TSPAN18: variants seen among roughly 807,000 people sequenced by gnomAD.
TSPAN18 encodes tetraspanin 18, also known as tetraspanin-18.
A neutral mutation model predicts 27.3 loss-of-function variants in TSPAN18; 14 were observed. That is an observed-to-expected ratio of 0.51 (90% confidence interval 0.34 to 0.80). The LOEUF (loss-of-function observed/expected upper bound fraction) is 0.80, where lower values mean the gene tolerates loss of function less well. TSPAN18 is among the 30% of genes least tolerant of loss of function. The pLI is 0.01. For synonymous variants in TSPAN18, 143 were observed against 136.5 expected (o/e 1.05, Z -0.33); for missense variants, 268 against 323.9 (o/e 0.83, Z 1.32).
chr11:44,795,664 GCTTCTGGGGCCCAGACCCC>G (rs1856333213), intron 2 of TSPAN18, among the ~76,000 whole-genome samples: 1 of 27,372 alleles, frequency 3.7e-5, no homozygotes, highest in Non-Finnish European at 2.1e-4. Flanking sequence ...GATTGTCTAA[GCTTCTGGGGCCCAGACCCC>G]ATTTTCTGCC....
At chr11:44,832,478 C>G (rs530972181) in intron 2 of TSPAN18, among the ~76,000 whole-genome samples, 1 of 152,262 alleles carries the variant, frequency 6.6e-6, no homozygotes, top group Admixed American at 6.5e-5. Context: ...AATTCTCTAC[C>G]CTAGACCCCC....
chr11:44,836,978 G>A (rs1857276749), intron 2 of TSPAN18, among the ~76,000 whole-genome samples: 1 of 152,230 alleles, frequency 6.6e-6, no homozygotes, highest in Admixed American at 6.5e-5. Flanking sequence ...TGATGGAGAT[G>A]TACAGGGAGA....
intron 3 of TSPAN18, among the ~76,000 whole-genome samples, chr11:44,895,681 GAGGC>G (rs1246306404): frequency 6.8e-6 from 1 of 146,176 alleles, no homozygotes. Context: ...TGGTGGGGAG[GAGGC>G]AGGCAACCGC....
chr11:44,730,727 G>A (rs925647842), intron 1 of TSPAN18, among the ~76,000 whole-genome samples: 1 of 151,754 alleles, frequency 6.6e-6, no homozygotes, highest in Non-Finnish European at 1.5e-5. Context: ...GAGTTCAAGC[G>A]ATTCTCCTGC....
chr11:44,776,330 A>T (rs1855807694), intron 2 of TSPAN18, among the ~76,000 whole-genome samples: 1 of 152,234 alleles, frequency 6.6e-6, no homozygotes, highest in South Asian at 2.1e-4. Flanking sequence ...AAGCCAGCAG[A>T]GACAGCTGTG....
At chr11:44,780,808 G>A (rs12801801) in intron 2 of TSPAN18, among the ~76,000 whole-genome samples, 1,898 of 152,330 alleles carry the variant, frequency 0.012, 19 homozygotes, top group Non-Finnish European at 0.021. Flanking sequence ...GTGAATGGTA[G>A]CTGTGAATAC....
chr11:44,835,203 A>T (rs913683231), intron 2 of TSPAN18, among the ~76,000 whole-genome samples: 4 of 152,190 alleles, frequency 2.6e-5, no homozygotes, highest in Non-Finnish European at 5.9e-5. Flanking sequence ...AGGGTCCCCG[A>T]CAGCACTGCT....
At chr11:44,839,092 C>G (rs1031423864) in intron 2 of TSPAN18, among the ~76,000 whole-genome samples, 17 of 152,184 alleles carry the variant, frequency 1.1e-4, no homozygotes, top group South Asian at 2.1e-4. Context: ...GGGTTTCCCA[C>G]AAAACAAGGA....
At chr11:44,760,454 T>C (rs751283398) in intron 1 of TSPAN18, among the ~76,000 whole-genome samples, 1 of 152,232 alleles carries the variant, frequency 6.6e-6, no homozygotes, top group Non-Finnish European at 1.5e-5. Context: ...ATCTGGGTTT[T>C]GGTTGCACAG....
rs148940174 is a variant in TSPAN18 at position 44,769,847 on chromosome 11, G to C, written c.-153+5335G>C. ...TAGCCAGAGTTCTATTGATTTTATA[G>C]ATCTTTTCAAAGAACCAGCATTTGG... On this transcript the variant is annotated intron_variant, in intron 2 of 9. Coordinates refer to ENST00000520358, the MANE Select transcript of TSPAN18 (RefSeq NM_130783.5). Among the ~76,000 whole-genome samples, 698 of 152,262 alleles carry C rather than the reference G, an allele frequency of 4.6e-3. 3 individuals are homozygous for C. The highest frequency in any genetic ancestry group is 8.0e-3 in the Non-Finnish European group (545 of 68,002).
chr11:44,752,016 T>C (rs1855222426), intron 1 of TSPAN18, among the ~76,000 whole-genome samples: 1 of 152,150 alleles, frequency 6.6e-6, no homozygotes. Context: ...CTGTGTGTTG[T>C]GTATGTTTGC....
At chr11:44,891,188 A>G (rs1449983719) in intron 3 of TSPAN18, among the ~76,000 whole-genome samples, 2 of 152,206 alleles carry the variant, frequency 1.3e-5, no homozygotes, top group African/African-American at 4.8e-5. Context: ...AAAGTTTCTG[A>G]TAGCTCTATT....
intron 9 of TSPAN18, among the ~76,000 whole-genome samples, chr11:44,928,647 G>A (rs370497101): frequency 3.2e-4 from 49 of 152,304 alleles, no homozygotes; most frequent in East Asian, 3.9e-4. Context: ...TCAGCTGGGC[G>A]TGGTGACGCA....
At chr11:44,765,259 T>C (rs1855541121) in intron 2 of TSPAN18, among the ~76,000 whole-genome samples, 1 of 152,212 alleles carries the variant, frequency 6.6e-6, no homozygotes, top group Non-Finnish European at 1.5e-5. Context: ...CCTCCATTTC[T>C]GGGATTCCAA....
chr11:44,830,287 T>C (rs927200106), intron 2 of TSPAN18, among the ~76,000 whole-genome samples: 1 of 152,228 alleles, frequency 6.6e-6, no homozygotes, highest in Admixed American at 6.5e-5. Flanking sequence ...ACTCTATCTA[T>C]TGCCTTCATG....
chr11:44,837,385 A>G (rs1857284933), intron 2 of TSPAN18, among the ~76,000 whole-genome samples: 1 of 152,268 alleles, frequency 6.6e-6, no homozygotes, highest in Non-Finnish European at 1.5e-5. Context: ...CCGCAATCTC[A>G]TGATAAAGCC....
At chr11:44,846,826 C>T (rs913823750) in intron 2 of TSPAN18, among the ~76,000 whole-genome samples, 1 of 152,206 alleles carries the variant, frequency 6.6e-6, no homozygotes, top group African/African-American at 2.4e-5. Context: ...CTGCTGAACA[C>T]AGGACTTGTG....
At chr11:44,859,926 C>T (rs989353072) in intron 2 of TSPAN18, among the ~76,000 whole-genome samples, 9 of 152,190 alleles carry the variant, frequency 5.9e-5, no homozygotes, top group Admixed American at 2.0e-4. Context: ...CATTTTCACA[C>T]GAGGAAGAAA....
chr11:44,818,924 C>T (rs1170510972), intron 2 of TSPAN18, among the ~76,000 whole-genome samples: 2 of 152,076 alleles, frequency 1.3e-5, no homozygotes, highest in African/African-American at 4.8e-5. Context: ...TGCCAAATGG[C>T]CTAGGTGATC....
Sources: gnomAD v4.1 joint callset for allele counts (sites outside exome capture counted in the v4.1 genomes callset) on GRCh38, gnomAD v4.1.1 for gene constraint, MANE v1.5 for transcripts, NCBI Gene and HGNC (gene_info 2026-07-23, HGNC 2026-07-21) for gene names.